BAIAP2L1: variants seen among roughly 807,000 people sequenced by gnomAD.
BAIAP2L1 encodes BAR/IMD domain containing adaptor protein 2 like 1, also known as BAR/IMD domain-containing adapter protein 2-like 1.
Under a neutral mutation model 66.3 loss-of-function variants are expected in BAIAP2L1, and 35 were observed. That is an observed-to-expected ratio of 0.53 (90% CI 0.40 to 0.70). The LOEUF is 0.70. Among genes scored for constraint, BAIAP2L1 ranks in the 30% least tolerant of loss-of-function variants. The pLI is 0.00. For missense variants in BAIAP2L1, 622 were observed against 656.9 expected (o/e 0.95, Z 0.58); for synonymous variants, 269 against 248.7 (o/e 1.08, Z -0.77).
chr7:98,365,023 C>CAAAAAAAA (rs1802362803), intron 1 of BAIAP2L1, among the ~76,000 whole-genome samples: 1 of 70,756 alleles, frequency 1.4e-5, no homozygotes. Context: ...AAAAAAAGAG[C>CAAAAAAAA]TATTACTCCA....
At chr7:98,348,193 A>C (rs916166842) in intron 3 of BAIAP2L1, among the ~76,000 whole-genome samples, 22 of 152,166 alleles carry the variant, frequency 1.4e-4, no homozygotes, top group African/African-American at 4.8e-4. Flanking sequence ...CATGAAAGAG[A>C]GTAAAGGAGA....
chr7:98,359,581 CT>C (rs1802218095), intron 2 of BAIAP2L1, among the ~76,000 whole-genome samples: 1 of 151,660 alleles, frequency 6.6e-6, no homozygotes, highest in Non-Finnish European at 1.5e-5. Context: ...GACTTGCTGT[CT>C]TTTATGCGTG....
At chr7:98,318,197 C>T (rs532577493) in intron 5 of BAIAP2L1, among the ~76,000 whole-genome samples, 4 of 152,308 alleles carry the variant, frequency 2.6e-5, no homozygotes, top group African/African-American at 4.8e-5. Flanking sequence ...GAGGAGCCCC[C>T]GACCAGAAGC....
intron 3 of BAIAP2L1, among the ~76,000 whole-genome samples, chr7:98,346,887 G>A (rs1398241994): frequency 1.3e-5 from 2 of 152,156 alleles, no homozygotes; most frequent in Non-Finnish European, 2.9e-5. Context: ...TTGTGGCACT[G>A]GATGAACGGC....
intron 2 of BAIAP2L1, among the ~76,000 whole-genome samples, chr7:98,359,506 C>T (rs1371156442): frequency 6.6e-6 from 1 of 152,152 alleles, no homozygotes; most frequent in Non-Finnish European, 1.5e-5. Context: ...CTCTTGACCT[C>T]GTGATCCGCC....
At chr7:98,330,307 T>G (rs1255689620) in intron 3 of BAIAP2L1, among the ~76,000 whole-genome samples, 1 of 152,122 alleles carries the variant, frequency 6.6e-6, no homozygotes, top group African/African-American at 2.4e-5. Context: ...AGAGATGATG[T>G]GTTAGTCCGT....
intron 1 of BAIAP2L1, among the ~76,000 whole-genome samples, chr7:98,394,993 C>T (rs1266270871): frequency 6.6e-6 from 1 of 151,406 alleles, no homozygotes; most frequent in East Asian, 1.9e-4. Context: ...TACCTGTAAC[C>T]CCAGCTACTC....
chr7:98,336,893 C>A (rs1199545077), intron 3 of BAIAP2L1, among the ~76,000 whole-genome samples: 1 of 152,098 alleles, frequency 6.6e-6, no homozygotes, highest in East Asian at 1.9e-4. Context: ...AATTTAAACC[C>A]CAGCTTTGCT....
intron 3 of BAIAP2L1, among the ~76,000 whole-genome samples, chr7:98,332,419 A>G (rs1481119736): frequency 1.4e-5 from 2 of 140,942 alleles, no homozygotes; most frequent in Non-Finnish European, 3.1e-5. Context: ...AAAAGACAAC[A>G]TTCTAGATAT....
chr7:98,312,175 G>A lies in BAIAP2L1; in HGVS notation c.729C>T (p.Ile243=), dbSNP rs369077499. 3.8e-5 allele frequency: 61 copies of A among 1,613,860 alleles called. No homozygotes were observed. Among genetic ancestry groups the A allele is most frequent in the Middle Eastern group, 3.3e-4 (2 of 6,082 alleles). ...IKVPEKIMNM[I]EEIKTPASTP... ...TAGAGGCTGGGGTCTTTATTTCTTC[G>A]ATCATATTCATGATTTTCTCTGGCA... The change falls in exon 8 of 14, where the codon ATC becomes ATT. Residue 243 remains isoleucine (I), a synonymous_variant. Coordinates refer to ENST00000005260, the MANE Select transcript of BAIAP2L1 (RefSeq NM_018842.5).
In BAIAP2L1 at chr7:98,316,093, C is replaced by T. The variant is rs574270570; in HGVS notation, c.487-481G>A. Reference sequence around the variant, plus strand: ...ATCATGGGGGCAGGTCTTTCCCATGCCATTCTTGTGATAGTGAATAAGTCT... The same window carrying T: ...ATCATGGGGGCAGGTCTTTCCCATGTCATTCTTGTGATAGTGAATAAGTCT... On this transcript the variant is annotated intron_variant, in intron 6 of 13. Coordinates refer to ENST00000005260, the MANE Select transcript of BAIAP2L1 (RefSeq NM_018842.5). Among the ~76,000 whole-genome samples the T allele has an allele frequency of 2.0e-4, 31 of 152,260 alleles. No homozygotes were observed. The South Asian group carries it at 3.3e-3, about 16-fold the overall frequency.
rs781269155 is a variant in BAIAP2L1 at position 98,292,680 on chromosome 7, T to C, written c.*841A>G. On this transcript the variant is annotated 3_prime_UTR_variant, in exon 14 of 14. Transcript: ENST00000005260. ...TGGCTTTACACGTATCCTTTGAGAG[T>C]CTGTACCTGATTCAAACACGGAGAA... The C allele has an allele frequency of 9.7e-6, 15 of 1,551,306 alleles. No homozygotes were observed. The highest frequency in any genetic ancestry group is 1.4e-5 in the African/African-American group (1 of 72,936).
intron 3 of BAIAP2L1, among the ~76,000 whole-genome samples, chr7:98,351,275 C>G (rs1307882588): frequency 1.3e-5 from 2 of 152,186 alleles, no homozygotes; most frequent in Admixed American, 6.5e-5. Context: ...CATGTACACC[C>G]AGAGCACCGC....
intron 1 of BAIAP2L1, chr7:98,386,391 C>T (rs529446099): frequency 5.7e-6 from 9 of 1,592,738 alleles, no homozygotes; most frequent in Non-Finnish European, 5.1e-6. Flanking sequence ...TTCAAACACA[C>T]GACCCTTGAG....
chr7:98,332,382 CAAAAAAAAAAAAAAAAA>C (rs55987839), intron 3 of BAIAP2L1, among the ~76,000 whole-genome samples: 15 of 27,752 alleles, frequency 5.4e-4, no homozygotes, highest in African/African-American at 2.2e-3. Context: ...GACTCCATCT[CAAAAAAAAAAAAAAAAA>C]AAAAAAAAAA....
intron 3 of BAIAP2L1, among the ~76,000 whole-genome samples, chr7:98,345,832 C>T (rs1048467178): frequency 6.6e-6 from 1 of 151,846 alleles, no homozygotes; most frequent in African/African-American, 2.4e-5. Context: ...TGTCGTTAGT[C>T]ACTAGGGAGA....
chr7:98,292,565 C>A lies in BAIAP2L1; in HGVS notation c.*956G>T. The A allele has an allele frequency of 7.0e-7, 1 of 1,422,340 alleles. No homozygotes were observed. Among genetic ancestry groups the A allele is most frequent in the Non-Finnish European group, 9.7e-7 (1 of 1,029,374 alleles). The allele number at this position is 1,422,340 out of a possible 1,614,324, so 88.1% of individuals were successfully genotyped here. ...GGGCTCAGGGCAGCCAGTGCGTAGT[C>A]CTCACATCCATACCATAGGGCCAGG... is the stretch of plus-strand genomic sequence containing the variant. On this transcript the variant is annotated 3_prime_UTR_variant, in exon 14 of 14. Transcript: ENST00000005260.
At chr7:98,331,677 A>T (rs1304552204) in intron 3 of BAIAP2L1, among the ~76,000 whole-genome samples, 2 of 152,046 alleles carry the variant, frequency 1.3e-5, no homozygotes, top group Non-Finnish European at 2.9e-5. Context: ...CATGTTGGCC[A>T]GACTGTGTTT....
chr7:98,356,994 CAAAAA>C (rs1171832329), intron 2 of BAIAP2L1, among the ~76,000 whole-genome samples: 11 of 2,424 alleles, frequency 4.5e-3, no homozygotes, highest in Admixed American at 0.023. Context: ...GCCCCTGTCT[CAAAAA>C]AAAAAAAAAA....
Sources: gnomAD v4.1 joint callset for allele counts (sites outside exome capture counted in the v4.1 genomes callset) on GRCh38, gnomAD v4.1.1 for gene constraint, MANE v1.5 for transcripts, NCBI Gene and HGNC (gene_info 2026-07-23, HGNC 2026-07-21) for gene names.